The following LRCH1 variants were observed in gnomAD, a reference collection of about 807,000 sequenced individuals.
The protein encoded by LRCH1 is leucine rich repeats and calponin homology domain containing 1.
LRCH1 carries 23 observed loss-of-function variants against 94.9 expected under a neutral mutation model. The ratio of observed to expected loss-of-function variants is 0.24; its 90% CI spans 0.17 to 0.34. The LOEUF (loss-of-function observed/expected upper bound fraction) is 0.34. Ranked by LOEUF, LRCH1 falls within the 10% of genes least tolerant of loss-of-function variation. The pLI is 1.00. For missense variants in LRCH1, 790 were observed against 945.9 expected (o/e 0.84, Z 2.16); for synonymous variants, 364 against 354.9 (o/e 1.03, Z -0.29).
rs147320267 is a variant in LRCH1 at position 46,719,124 on chromosome 13, C to G, written c.1759+3460C>G. ...GCTCTGAAAGAGACAGCCAAAATCT[C>G]TTTGCTTTCATATAACATTTATTTC... On this transcript the variant is annotated intron_variant, in intron 16 of 19. Coordinates refer to ENST00000389797, the MANE Select transcript of LRCH1 (RefSeq NM_001164211.2). 3.1e-4 allele frequency among the ~76,000 whole-genome samples: 13 copies of G among 42,154 alleles called. No individual in the cohort carries two copies. In the East Asian group the frequency reaches 6.3e-3, roughly 21 times the overall value. 27.7% of individuals were successfully genotyped at this position (42,154 alleles called of 152,430 possible). A position where few individuals can be genotyped will look rare whatever the true frequency, so the allele number is the denominator to read the frequency against.
At chr13:46,697,517 T>C (rs907784088) in intron 9 of LRCH1, among the ~76,000 whole-genome samples, 5 of 152,202 alleles carry the variant, frequency 3.3e-5, no homozygotes, top group Admixed American at 1.3e-4. Context: ...ACTTCAGTAC[T>C]ATGTCTGGGG....
chr13:46,577,154 C>T (rs7332517), intron 1 of LRCH1, among the ~76,000 whole-genome samples: 4,567 of 152,150 alleles, frequency 0.03, 211 homozygotes, highest in African/African-American at 0.1. Context: ...AGTGCAACCT[C>T]GGTGCCATCT....
At chr13:46,611,867 T>G (rs1457790667) in intron 1 of LRCH1, among the ~76,000 whole-genome samples, 1 of 152,254 alleles carries the variant, frequency 6.6e-6, no homozygotes, top group Non-Finnish European at 1.5e-5. Context: ...GTTTCTGTTA[T>G]TGGGCATTGC....
intron 2 of LRCH1, among the ~76,000 whole-genome samples, chr13:46,651,296 T>C (rs1340696475): frequency 1.3e-5 from 2 of 152,206 alleles, no homozygotes; most frequent in Non-Finnish European, 2.9e-5. Flanking sequence ...CAGTGGTTTT[T>C]TAGTTTTGTT....
chr13:46,714,801 A>G (rs921129353), intron 15 of LRCH1, among the ~76,000 whole-genome samples: 8 of 152,238 alleles, frequency 5.3e-5, no homozygotes, highest in Non-Finnish European at 1.2e-4. Context: ...TTATCATTTC[A>G]TAAGTGACCA....
intron 1 of LRCH1, among the ~76,000 whole-genome samples, chr13:46,582,504 C>T (rs1160387721): frequency 7.5e-6 from 1 of 133,846 alleles, no homozygotes; most frequent in Non-Finnish European, 1.6e-5. Flanking sequence ...TTTTTTTTGA[C>T]ACAGGGTCTC....
chr13:46,693,858 C>T (rs557184770), intron 8 of LRCH1, among the ~76,000 whole-genome samples: 2 of 152,148 alleles, frequency 1.3e-5, no homozygotes, highest in African/African-American at 4.8e-5. Flanking sequence ...ATAAATAGTG[C>T]AGAACTGGAT....
chr13:46,696,522 A>G (rs950409587), intron 9 of LRCH1, among the ~76,000 whole-genome samples: 10 of 152,164 alleles, frequency 6.6e-5, no homozygotes, highest in Non-Finnish European at 1.5e-4. Flanking sequence ...AGGAAAGCAA[A>G]TTTCCCTGGA....
At chr13:46,685,643 A>G (rs1870568386) in intron 4 of LRCH1, among the ~76,000 whole-genome samples, 1 of 152,196 alleles carries the variant, frequency 6.6e-6, no homozygotes, top group African/African-American at 2.4e-5. Flanking sequence ...TAAACAATAG[A>G]TATTGTAAAT....
At position 46,742,227 on chromosome 13, in the gene LRCH1, G is replaced by T; in HGVS notation, c.*379G>T. ...TGTCAAGGACAGGGATTTAGCATATGGAAGTCTTTCCTTTGGGTCAGTATT... is the reference window on the plus strand; with the variant it reads ...TGTCAAGGACAGGGATTTAGCATATTGAAGTCTTTCCTTTGGGTCAGTATT... On this transcript the variant is annotated 3_prime_UTR_variant, in exon 20 of 20. Coordinates refer to ENST00000389797, the MANE Select transcript of LRCH1 (RefSeq NM_001164211.2). 1 of 1,088,708 alleles carries T rather than the reference G, an allele frequency of 9.2e-7. No homozygotes were observed. Among genetic ancestry groups the T allele is most frequent in the East Asian group, 7.1e-5 (1 of 14,038 alleles). 67.4% of individuals were successfully genotyped at this position (1,088,708 alleles called of 1,614,324 possible).
At chr13:46,732,689 G>T (rs1259675233) in intron 18 of LRCH1, among the ~76,000 whole-genome samples, 1 of 152,162 alleles carries the variant, frequency 6.6e-6, no homozygotes, top group African/African-American at 2.4e-5. Context: ...AGAAACGCTA[G>T]GGTCTTGGCG....
At position 46,573,866 on chromosome 13, in the gene LRCH1, A is replaced by ATATATATATATATATATATATT; in HGVS notation, c.307+20164_307+20165insATATATATATATATATATATTT. 5.9e-3 allele frequency among the ~76,000 whole-genome samples: 374 copies of ATATATATATATATATATATATT among 63,182 alleles called. 3 individuals are homozygous for ATATATATATATATATATATATT. The highest frequency in any genetic ancestry group is 0.015 in the East Asian group (22 of 1,506). 41.4% of individuals were successfully genotyped at this position (63,182 alleles called of 152,430 possible). ...GTCAAATATATATATATATATATAT[A>ATATATATATATATATATATATT]TTTTTTTTTTTTTTGAGATGGAGTC... On this transcript the variant is annotated intron_variant, in intron 1 of 19. Transcript: ENST00000389797.
At chr13:46,628,000 G>A (rs144807415) in intron 1 of LRCH1, among the ~76,000 whole-genome samples, 1 of 152,026 alleles carries the variant, frequency 6.6e-6, no homozygotes, top group Non-Finnish European at 1.5e-5. Flanking sequence ...GTTTGGGGCA[G>A]TCTGGCTTAT....
In LRCH1 at chr13:46,744,805, C is replaced by T. The variant is rs899270663; in HGVS notation, c.*2957C>T. Reference sequence around the variant, plus strand: ...GTTGTTTTGGATTAGGTGAAAAATACTTTAATATGATTTTATTTCAGGAGA... The same window carrying T: ...GTTGTTTTGGATTAGGTGAAAAATATTTTAATATGATTTTATTTCAGGAGA... On this transcript the variant is annotated 3_prime_UTR_variant, in exon 20 of 20. Coordinates refer to ENST00000389797, the MANE Select transcript of LRCH1 (RefSeq NM_001164211.2). The T allele has an allele frequency of 3.0e-6, 3 of 983,944 alleles. No individual in the cohort carries two copies. The South Asian group carries it at 1.4e-4, about 46-fold the overall frequency. 61.0% of individuals were successfully genotyped at this position (983,944 alleles called of 1,614,324 possible). A position where few individuals can be genotyped will look rare whatever the true frequency, so the allele number is the denominator to read the frequency against.
At chr13:46,633,052 A>G (rs1031066686) in intron 1 of LRCH1, among the ~76,000 whole-genome samples, 3 of 152,242 alleles carry the variant, frequency 2.0e-5, no homozygotes, top group African/African-American at 7.2e-5. Context: ...CTTAACATTC[A>G]TGCTTCCACA....
At chr13:46,709,406 C>G (rs945136137) in intron 13 of LRCH1, among the ~76,000 whole-genome samples, 1 of 152,184 alleles carries the variant, frequency 6.6e-6, no homozygotes, top group East Asian at 1.9e-4. Context: ...GTCCTGTGCT[C>G]AGTGCTGTGA....
intron 2 of LRCH1, among the ~76,000 whole-genome samples, chr13:46,651,151 C>T (rs1008681133): frequency 6.6e-6 from 1 of 152,144 alleles, no homozygotes; most frequent in African/African-American, 2.4e-5. Context: ...ACAAGATCCC[C>T]AATTGCAAGC....
intron 2 of LRCH1, among the ~76,000 whole-genome samples, chr13:46,655,283 T>C (rs2051356583): frequency 6.6e-6 from 1 of 152,220 alleles, no homozygotes; most frequent in Non-Finnish European, 1.5e-5. Flanking sequence ...TAGAGATAAA[T>C]TTAATTAGCA....
At chr13:46,701,259 G>A in intron 11 of LRCH1, 52 bp downstream of exon 11, 5 of 1,269,786 alleles carry the variant, frequency 3.9e-6, no homozygotes, top group Non-Finnish European at 4.6e-6. Context: ...GCATACTAAT[G>A]TATGGAGTAC....
Sources: allele counts gnomAD v4.1 joint callset (sites outside exome capture counted in the v4.1 genomes callset), GRCh38; gene constraint gnomAD v4.1.1; transcripts MANE v1.5; gene names NCBI Gene and HGNC (gene_info 2026-07-23, HGNC 2026-07-21).